MALRD1: variants seen among roughly 807,000 people sequenced by gnomAD.
The protein encoded by MALRD1 is MAM and LDL receptor class A domain containing 1, also known as MAM and LDL-receptor class A domain-containing protein 1.
Under a neutral mutation model 242.1 loss-of-function variants are expected in MALRD1, and 247 were observed. The ratio of observed to expected loss-of-function variants is 1.02; its 90% CI spans 0.92 to 1.13. The LOEUF (loss-of-function observed/expected upper bound fraction) is 1.13, where lower values mean the gene tolerates loss of function less well. Among genes scored for constraint, MALRD1 ranks in the 50% most tolerant of loss-of-function variants. The pLI, the probability that MALRD1 is intolerant of heterozygous loss-of-function variation, is 0.00. For synonymous variants in MALRD1, 995 were observed against 866.6 expected, an observed-to-expected ratio of 1.15 and a Z score of -2.60; for missense variants, 2,989 against 2,533.1, an observed-to-expected ratio of 1.18 and a Z score of -3.86.
chr10:19,502,618 T>C (rs1479275976), intron 31 of MALRD1, among the ~76,000 whole-genome samples: 3 of 152,162 alleles, frequency 2.0e-5, no homozygotes, highest in Non-Finnish European at 4.4e-5. Flanking sequence ...ATATATGGGA[T>C]TTTTTGAGAA....
In MALRD1 at chr10:19,291,758, G is replaced by C. The variant is rs147163817; in HGVS notation, c.3419+8577G>C. ...TAATTTAAAAAAACAAAATAAGAAA[G>C]AAAAATTGCTCTAAGGTCCTTCCAT... is the stretch of plus-strand genomic sequence containing the variant. On this transcript the variant is annotated intron_variant, in intron 21 of 39. Transcript: ENST00000454679. 1.0e-3 allele frequency among the ~76,000 whole-genome samples: 159 copies of C among 151,498 alleles called. 1 individual carries two copies. The highest frequency in any genetic ancestry group is 3.7e-3 in the African/African-American group (155 of 41,354).
intron 1 of MALRD1, among the ~76,000 whole-genome samples, chr10:19,050,323 G>A (rs1204420323): frequency 4.0e-5 from 6 of 151,106 alleles, no homozygotes; most frequent in Non-Finnish European, 5.9e-5. Flanking sequence ...TCCTGACCTC[G>A]TGATCCGCCC....
chr10:19,296,861 T>G (rs1240909301), intron 21 of MALRD1, among the ~76,000 whole-genome samples: 1 of 151,596 alleles, frequency 6.6e-6, no homozygotes, highest in East Asian at 1.9e-4. Context: ...TATGAGCACA[T>G]GATGTAATTT....
chr10:19,185,588 AT>A (rs1835702156), intron 14 of MALRD1, among the ~76,000 whole-genome samples: 1 of 152,318 alleles, frequency 6.6e-6, no homozygotes, highest in African/African-American at 2.4e-5. Flanking sequence ...AAATACAGAA[AT>A]ATGTGCATTA....
intron 7 of MALRD1, among the ~76,000 whole-genome samples, chr10:19,128,001 T>C (rs1308453022): frequency 6.6e-6 from 1 of 152,210 alleles, no homozygotes; most frequent in East Asian, 1.9e-4. Flanking sequence ...AAATTTTGAT[T>C]ATAGAAATTA....
intron 5 of MALRD1, among the ~76,000 whole-genome samples, chr10:19,105,169 A>G (rs1357818368): frequency 6.6e-6 from 1 of 152,046 alleles, no homozygotes; most frequent in Non-Finnish European, 1.5e-5. Context: ...CACACCGTCC[A>G]TGCTATCCTC....
At chr10:19,590,264 ATG>A (rs924335458) in intron 33 of MALRD1, among the ~76,000 whole-genome samples, 14 of 148,422 alleles carry the variant, frequency 9.4e-5, no homozygotes, top group African/African-American at 3.2e-4. Context: ...TATATAATAT[ATG>A]TATATATACA....
intron 32 of MALRD1, among the ~76,000 whole-genome samples, chr10:19,554,600 G>A (rs1316105086): frequency 2.0e-5 from 3 of 151,954 alleles, no homozygotes; most frequent in African/African-American, 7.3e-5. Flanking sequence ...GTGTCCATGT[G>A]TTCTCATTGT....
At chr10:19,586,900 C>G (rs557987019) in intron 33 of MALRD1, among the ~76,000 whole-genome samples, 1 of 152,228 alleles carries the variant, frequency 6.6e-6, no homozygotes, top group East Asian at 1.9e-4. Flanking sequence ...TAGGACACTC[C>G]GAGCCAGGTG....
At chr10:19,395,726 T>C (rs906340525) in intron 28 of MALRD1, among the ~76,000 whole-genome samples, 1 of 152,244 alleles carries the variant, frequency 6.6e-6, no homozygotes, top group Non-Finnish European at 1.5e-5. Context: ...GCTCTAGTTA[T>C]ATAAAATAAA....
At chr10:19,412,723 G>T (rs930530276) in intron 28 of MALRD1, among the ~76,000 whole-genome samples, 13 of 152,124 alleles carry the variant, frequency 8.5e-5, no homozygotes, top group Admixed American at 1.3e-4. Flanking sequence ...CCACCAGGAG[G>T]CAGAGTCTGC....
At chr10:19,218,485 A>C (rs1394725923) in intron 18 of MALRD1, among the ~76,000 whole-genome samples, 1 of 152,112 alleles carries the variant, frequency 6.6e-6, no homozygotes, top group African/African-American at 2.4e-5. Flanking sequence ...AGTCCTTCTG[A>C]GCAGTTGATG....
intron 29 of MALRD1, among the ~76,000 whole-genome samples, chr10:19,476,764 A>G (rs1020805811): frequency 6.6e-6 from 1 of 152,168 alleles, no homozygotes; most frequent in Non-Finnish European, 1.5e-5. Context: ...CACTTATTTT[A>G]CAACACTCTA....
chr10:19,409,580 T>C (rs181401788), intron 28 of MALRD1, among the ~76,000 whole-genome samples: 1 of 152,282 alleles, frequency 6.6e-6, no homozygotes, highest in East Asian at 1.9e-4. Context: ...TATCAATCCT[T>C]GTGGTAATTG....
chr10:19,203,895 GGGAC>G lies in MALRD1; in HGVS notation c.2104+16_2104+19del. On this transcript the variant is annotated intron_variant, in intron 15 of 39. Transcript: ENST00000454679. Reference sequence around the variant, plus strand: ...CGCATCTCAAGGTAAGAAGCAAACAGGGACTCTACAACCACTGCTATTTACTGTT... The same window carrying G: ...CGCATCTCAAGGTAAGAAGCAAACAGTCTACAACCACTGCTATTTACTGTT... The G allele has an allele frequency of 6.5e-7, 1 of 1,550,350 alleles. No individual in the cohort carries two copies. The highest frequency in any genetic ancestry group is 2.4e-5 in the East Asian group (1 of 40,902).
At chr10:19,618,796 G>T (rs2131617212) in intron 36 of MALRD1, among the ~76,000 whole-genome samples, 1 of 152,190 alleles carries the variant, frequency 6.6e-6, no homozygotes, top group East Asian at 1.9e-4. Flanking sequence ...AGTGTTTACA[G>T]TGGATTGCTC....
rs1312826181 is a variant in MALRD1 at position 19,280,150 on chromosome 10, T to C, written c.3183T>C (p.Gly1061=). ...ATGAATTTATCTGCAGGTCTGATGG[T>C]CACTGCATTGAAAAAATGCAGAAAT... is the stretch of plus-strand genomic sequence containing the variant. ...TDNEFICRSD[G]HCIEKMQKCD... The change falls in exon 20 of 40, where the codon GGT becomes GGC. Residue 1061 remains glycine, a synonymous_variant. Transcript: ENST00000454679. The C allele has an allele frequency of 2.6e-6, 4 of 1,545,072 alleles. No individual in the cohort carries two copies. The highest frequency in any genetic ancestry group is 3.5e-6 in the Non-Finnish European group (4 of 1,144,848).
intron 17 of MALRD1, among the ~76,000 whole-genome samples, chr10:19,206,125 C>A (rs969713766): frequency 6.6e-6 from 1 of 150,886 alleles, no homozygotes; most frequent in Admixed American, 6.6e-5. Context: ...TAAATTATTT[C>A]TTTTATGTAT....
At chr10:19,658,173 C>T (rs947711436) in intron 36 of MALRD1, among the ~76,000 whole-genome samples, 2 of 151,818 alleles carry the variant, frequency 1.3e-5, no homozygotes, top group Admixed American at 6.6e-5. Flanking sequence ...AAAAAAAAAC[C>T]CACTAATTTC....
Sources: allele counts gnomAD v4.1 joint callset (sites outside exome capture counted in the v4.1 genomes callset), GRCh38; gene constraint gnomAD v4.1.1; transcripts MANE v1.5; gene names NCBI Gene and HGNC (gene_info 2026-07-23, HGNC 2026-07-21).